Variants in RAPGEF6 observed in about 807,000 individuals in gnomAD.
The protein encoded by RAPGEF6 is Rap guanine nucleotide exchange factor 6, also known as PDZ domain containing guanine nucleotide exchange factor (GEF) 2.
In RAPGEF6, 56 loss-of-function variants were observed where a neutral mutation model predicts 171.4. The ratio of observed to expected loss-of-function variants is 0.33; its 90% CI spans 0.26 to 0.41. RAPGEF6 has a LOEUF of 0.41. Ranked by LOEUF, RAPGEF6 falls within the 10% of genes least tolerant of loss-of-function variation. The pLI, the probability that RAPGEF6 is intolerant of heterozygous loss-of-function variation, is 1.00. For missense variants in RAPGEF6, 1,674 were observed against 1,921.4 expected (o/e 0.87, Z 2.41); for synonymous variants, 692 against 650.1 (o/e 1.06, Z -0.98).
rs1423407601 is a variant in RAPGEF6 at position 131,425,642 on chromosome 5, G to C, written c.*1624C>G. On this transcript the variant is annotated 3_prime_UTR_variant, in exon 28 of 28. Transcript: ENST00000509018. The stretch of plus-strand genomic sequence containing the variant: ...AATGCTATTATTCCTAAAATAAAGA[G>C]ACAATCATGTTGATGGGAAAGATGA... The C allele has an allele frequency of 6.6e-6, 1 of 152,258 alleles. No homozygotes were observed. The highest frequency in any genetic ancestry group is 2.4e-5 in the African/African-American group (1 of 41,416). 9.4% of individuals were successfully genotyped at this position (152,258 alleles called of 1,614,324 possible).
intron 22 of RAPGEF6, among the ~76,000 whole-genome samples, chr5:131,443,234 C>T (rs145364399): frequency 2.0e-5 from 3 of 151,980 alleles, no homozygotes; most frequent in Admixed American, 1.3e-4. Flanking sequence ...TGAGCCACTG[C>T]GCCTGGCCTA....
At position 131,464,150 on chromosome 5, in the gene RAPGEF6, C is replaced by T. The variant is rs1041364031; in HGVS notation, c.2371G>A (p.Asp791Asn). Reference protein sequence around the residue: ...VHEFGLTGASDTYSLCEVSVT... With the variant: ...VHEFGLTGASNTYSLCEVSVT... Reference sequence around the variant, plus strand: ...GAAACTTCACAGAGAGAATATGTGTCGGATGCACCGGTCAAACCAAATTCA... The same window carrying T: ...GAAACTTCACAGAGAGAATATGTGTTGGATGCACCGGTCAAACCAAATTCA... The change falls in exon 18 of 28, where the codon GAC becomes AAC. Residue 791 changes from aspartate (D) to asparagine (N), a missense_variant. Around this residue, in one of 3 missense-constraint regions of RAPGEF6, gnomAD observed 1,116 missense variants for 1,321.5 expected, o/e 0.84. Coordinates refer to ENST00000509018, the MANE Select transcript of RAPGEF6 (RefSeq NM_016340.6). The T allele has an allele frequency of 3.1e-6, 5 of 1,613,826 alleles. No individual in the cohort carries two copies. The highest frequency in any genetic ancestry group is 1.3e-5 in the African/African-American group (1 of 74,912).
At chr5:131,581,564 TC>T (rs1226702034) in intron 4 of RAPGEF6, among the ~76,000 whole-genome samples, 1 of 152,112 alleles carries the variant, frequency 6.6e-6, no homozygotes, top group East Asian at 1.9e-4. Flanking sequence ...CCACTTAGGT[TC>T]CCGTGCCGCC....
chr5:131,489,499 C>G, intron 15 of RAPGEF6, 47 bp downstream of exon 15: 5 of 1,133,606 alleles, frequency 4.4e-6, no homozygotes, highest in Non-Finnish European at 6.4e-6. Flanking sequence ...TTTTCTATTA[C>G]CAAATTAAGA....
At chr5:131,585,827 C>T (rs1234186050) in intron 4 of RAPGEF6, among the ~76,000 whole-genome samples, 1 of 151,986 alleles carries the variant, frequency 6.6e-6, no homozygotes, top group East Asian at 1.9e-4. Flanking sequence ...ACTCCGTCCC[C>T]AAAAAACAAA....
At chr5:131,563,256 C>T (rs2149969321) in intron 4 of RAPGEF6, among the ~76,000 whole-genome samples, 1 of 151,956 alleles carries the variant, frequency 6.6e-6, no homozygotes, top group East Asian at 1.9e-4. Flanking sequence ...AAACATTAAT[C>T]ATTCAAACAA....
intron 4 of RAPGEF6, among the ~76,000 whole-genome samples, chr5:131,581,922 C>T (rs1762990622): frequency 6.6e-6 from 1 of 152,094 alleles, no homozygotes; most frequent in South Asian, 2.1e-4. Flanking sequence ...TACTTTGTAA[C>T]ATCCTCCTCA....
At position 131,510,169 on chromosome 5, in the gene RAPGEF6, C is replaced by T. The variant is rs574707993; in HGVS notation, c.805+145G>A. 2.3e-5 allele frequency: 19 copies of T among 808,558 alleles called. No individual in the cohort carries two copies. The East Asian group carries it at 5.0e-4, about 21-fold the overall frequency. The allele number at this position is 808,558 out of a possible 1,614,324, so 50.1% of individuals were successfully genotyped here. A position where few individuals can be genotyped will look rare whatever the true frequency, so the allele number is the denominator to read the frequency against. ...AAGCCAGAACCACTCAGCTAAGGTG[C>T]TCCTAAATTTGACTCACAAAAACTC... is the stretch of plus-strand genomic sequence containing the variant. On this transcript the variant is annotated intron_variant, in intron 8 of 27. Transcript: ENST00000509018.
chr5:131,548,062 A>G lies in RAPGEF6; in HGVS notation c.480T>C (p.Val160=). 6.2e-7 allele frequency: 1 copy of G among 1,613,876 alleles called. No homozygotes were observed. The highest frequency in any genetic ancestry group is 8.5e-7 in the Non-Finnish European group (1 of 1,179,916). ...ERQTITDDVE[V]NSYLSLPADL... is the part of the protein sequence containing the mutation. ...ATATACTCACAGAAAGATAGCTGTT[A>G]ACCTCCACATCATCAGTAATGGTTT... The change falls in exon 6 of 28, where the codon GTT becomes GTC. Residue 160 remains valine (V), a synonymous_variant. Coordinates refer to ENST00000509018, the MANE Select transcript of RAPGEF6 (RefSeq NM_016340.6).
At chr5:131,634,525 A>G (rs1253977123) in intron 1 of RAPGEF6, among the ~76,000 whole-genome samples, 1 of 152,226 alleles carries the variant, frequency 6.6e-6, no homozygotes, top group Non-Finnish European at 1.5e-5. Flanking sequence ...AACTTTGAAA[A>G]CTTTATCTTT....
intron 7 of RAPGEF6, among the ~76,000 whole-genome samples, chr5:131,514,978 T>A (rs1757982486): frequency 6.6e-6 from 1 of 152,206 alleles, no homozygotes; most frequent in Non-Finnish European, 1.5e-5. Context: ...TCCTGACATA[T>A]GAATGTGTCT....
At chr5:131,591,641 T>C (rs932576880) in intron 4 of RAPGEF6, among the ~76,000 whole-genome samples, 1 of 152,168 alleles carries the variant, frequency 6.6e-6, no homozygotes, top group African/African-American at 2.4e-5. Context: ...TAACACCTCA[T>C]GACAATACTT....
chr5:131,495,273 C>T (rs531508411), intron 13 of RAPGEF6, among the ~76,000 whole-genome samples: 10 of 149,376 alleles, frequency 6.7e-5, no homozygotes, highest in South Asian at 2.1e-4. Context: ...CCAGCCTGGG[C>T]GACAGCGAGA....
intron 6 of RAPGEF6, among the ~76,000 whole-genome samples, chr5:131,547,218 T>C (rs1344060138): frequency 6.6e-6 from 1 of 152,198 alleles, no homozygotes; most frequent in Non-Finnish European, 1.5e-5. Flanking sequence ...ATGGAATGAA[T>C]AAATATCTGT....
chr5:131,528,034 TATTATATATA>T (rs1352787932), intron 6 of RAPGEF6, among the ~76,000 whole-genome samples: 3 of 137,438 alleles, frequency 2.2e-5, no homozygotes, highest in South Asian at 4.3e-4. Flanking sequence ...TAATAATTAT[TATTATATATA>T]ATTATATATA....
Position 131,554,784 on chromosome 5 carries a change from T to G in RAPGEF6, c.352-6594A>C, listed in dbSNP as rs935457465. Among the ~76,000 whole-genome samples, 11 of 152,164 alleles carry G rather than the reference T, an allele frequency of 7.2e-5. 1 individual carries two copies. Among genetic ancestry groups the G allele is most frequent in the Admixed American group, 5.9e-4 (9 of 15,276 alleles). On this transcript the variant is annotated intron_variant, in intron 5 of 27. Coordinates refer to ENST00000509018, the MANE Select transcript of RAPGEF6 (RefSeq NM_016340.6). The stretch of plus-strand genomic sequence containing the variant: ...CACCCGCCTTGGCCTCCCGAAGTGC[T>G]GGGATTACAGGAGGGAGCCACTGTG...
At position 131,548,171 on chromosome 5, in the gene RAPGEF6, T is replaced by C. The variant is rs1181993070; in HGVS notation, c.371A>G (p.Asn124Ser). The C allele has an allele frequency of 6.2e-7, 1 of 1,613,734 alleles. No homozygotes were observed. Among genetic ancestry groups the C allele is most frequent in the African/African-American group, 1.3e-5 (1 of 74,928 alleles). Reference sequence around the variant, plus strand: ...TTCTCTTTGTAGAATACTATCTTCATTATCTTTGGCATTCTCTACCTGAAA... The same window carrying C: ...TTCTCTTTGTAGAATACTATCTTCACTATCTTTGGCATTCTCTACCTGAAA... Reference protein sequence around the residue: ...EMIVVENAKDNEDSILQREIP... With the variant: ...EMIVVENAKDSEDSILQREIP... The change falls in exon 6 of 28, where the codon AAT becomes AGT. Residue 124 changes from asparagine (N) to serine (S), a missense_variant. Asn to Ser is a conservative substitution (Grantham distance 46). Coordinates refer to ENST00000509018, the MANE Select transcript of RAPGEF6 (RefSeq NM_016340.6).
At chr5:131,601,527 G>T (rs1764257166) in intron 3 of RAPGEF6, among the ~76,000 whole-genome samples, 1 of 151,382 alleles carries the variant, frequency 6.6e-6, no homozygotes, top group African/African-American at 2.4e-5. Context: ...ATTAATAAAA[G>T]AAGCTATCCA....
chr5:131,464,200 T>A lies in RAPGEF6; in HGVS notation c.2321A>T (p.Lys774Ile). The stretch of plus-strand genomic sequence containing the variant: ...ATGAACAGCATGAAAAACTACTTCT[T>A]TAGCTGTGGTGTCTTTACTGATGAT... ...YIIISKDTTA[K>I]EVVFHAVHEF... Residue 774 changes from lysine (K) to isoleucine (I), a missense_variant, in exon 18 of 28, where the codon AAA (lysine) becomes ATA (isoleucine). This residue lies in a region of RAPGEF6 where 1,116 missense variants were observed against 1,321.5 expected (regional missense o/e 0.84). Coordinates refer to ENST00000509018, the MANE Select transcript of RAPGEF6 (RefSeq NM_016340.6). The A allele has an allele frequency of 6.2e-7, 1 of 1,613,846 alleles. No homozygotes were observed. The highest frequency in any genetic ancestry group is 8.5e-7 in the Non-Finnish European group (1 of 1,179,774).
Sources: gnomAD v4.1 joint callset for allele counts (sites outside exome capture counted in the v4.1 genomes callset) on GRCh38, gnomAD v4.1.1 for gene constraint, gnomAD v4.1.1 regional missense constraint, MANE v1.5 for transcripts, NCBI Gene and HGNC (gene_info 2026-07-23, HGNC 2026-07-21) for gene names.